Variants in DCAF8 observed in about 807,000 individuals in gnomAD.
DCAF8 encodes DDB1- and CUL4-associated factor 8.
In DCAF8, 20 loss-of-function variants were observed where a neutral mutation model predicts 68.0. The ratio of observed to expected loss-of-function variants is 0.29; its 90% CI spans 0.21 to 0.43. DCAF8 has a LOEUF of 0.43. DCAF8 is among the 20% of genes least tolerant of loss of function. The pLI is 1.00. For synonymous variants in DCAF8, 230 were observed against 276.9 expected (o/e 0.83, Z 1.68); for missense variants, 460 against 771.0 (o/e 0.60, Z 4.78).
At chr1:160,256,595 G>C (rs1010471782) in intron 2 of DCAF8, among the ~76,000 whole-genome samples, 1 of 151,988 alleles carries the variant, frequency 6.6e-6, no homozygotes, top group South Asian at 2.1e-4. Flanking sequence ...AAAATGGCAC[G>C]TGAGGCAAAT....
Position 160,218,988 on chromosome 1 carries a change from A to C in DCAF8, c.1441-20T>G. On this transcript the variant is annotated intron_variant, in intron 11 of 13. Coordinates refer to ENST00000368074, the MANE Select transcript of DCAF8 (RefSeq NM_015726.4). Reference sequence around the variant, plus strand: ...GTTTACCTGGTCAGGAAGAAAGGAAAACACAGACTCAGCAGTGTGTGGGAG... The same window carrying C: ...GTTTACCTGGTCAGGAAGAAAGGAACACACAGACTCAGCAGTGTGTGGGAG... The C allele has an allele frequency of 6.2e-7, 1 of 1,613,868 alleles. No homozygotes were observed. Among genetic ancestry groups the C allele is most frequent in the East Asian group, 2.2e-5 (1 of 44,882 alleles).
In DCAF8 at chr1:160,217,493, A is replaced by G; in HGVS notation, c.*99T>C. On this transcript the variant is annotated 3_prime_UTR_variant, in exon 14 of 14. Coordinates refer to ENST00000368074, the MANE Select transcript of DCAF8 (RefSeq NM_015726.4). ...TTCTTTTATCTAAAGCAAAAAGTCCAAAGTGCGTTTCTGCTGAATGTAGGG... is the reference window on the plus strand; with the variant it reads ...TTCTTTTATCTAAAGCAAAAAGTCCGAAGTGCGTTTCTGCTGAATGTAGGG... 2 of 848,942 alleles carry G rather than the reference A, an allele frequency of 2.4e-6. No individual in the cohort carries two copies. The highest frequency in any genetic ancestry group is 3.7e-6 in the Non-Finnish European group (2 of 541,854). The allele number at this position is 848,942 out of a possible 1,614,324, so 52.6% of individuals were successfully genotyped here.
intron 6 of DCAF8, among the ~76,000 whole-genome samples, chr1:160,236,417 T>C (rs1184258712): frequency 1.3e-5 from 2 of 151,592 alleles, no homozygotes; most frequent in Non-Finnish European, 2.9e-5. Context: ...TGTGTGTGTA[T>C]ATATGTGTGT....
At position 160,238,894 on chromosome 1, in the gene DCAF8, T is replaced by TA; in HGVS notation, c.724-148dup. ...GCTTTCCTACTCTTGTACAGCTGGC[T>TA]AAGCCCAATTTCTTCCAGGAGTTAA... On this transcript the variant is annotated intron_variant, in intron 4 of 13. Coordinates refer to ENST00000368074, the MANE Select transcript of DCAF8 (RefSeq NM_015726.4). The TA allele has an allele frequency of 3.2e-6, 3 of 941,686 alleles. No individual in the cohort carries two copies. The African/African-American group carries it at 5.1e-5, about 16-fold the overall frequency. 58.3% of individuals were successfully genotyped at this position (941,686 alleles called of 1,614,324 possible).
At chr1:160,236,994 T>TC in intron 6 of DCAF8, 141 bp downstream of exon 6, 1 of 528,174 alleles carries the variant, frequency 1.9e-6, no homozygotes, top group Admixed American at 3.8e-5. Flanking sequence ...AGTAAGGAAT[T>TC]CCCCTTAACC....
chr1:160,236,342 ATATG>A (rs1417037397), intron 6 of DCAF8, among the ~76,000 whole-genome samples: 23 of 152,048 alleles, frequency 1.5e-4, no homozygotes, highest in African/African-American at 5.1e-4. Flanking sequence ...ATATGTGTGT[ATATG>A]TGTGTACATA....
At position 160,262,240 on chromosome 1, in the gene DCAF8, G is replaced by T. The variant is rs904090783; in HGVS notation, c.-101+209C>A. 1.5e-5 allele frequency: 6 copies of T among 397,266 alleles called. No homozygotes were observed. In the South Asian group the frequency reaches 5.5e-4, roughly 37 times the overall value. 24.6% of individuals were successfully genotyped at this position (397,266 alleles called of 1,614,324 possible). ...TTAGGGGAAACCGGCTGGGAAGCGA[G>T]GGGGGGCGCAGGCCGAGCCGGAACG... On this transcript the variant is annotated intron_variant, in intron 1 of 13. Coordinates refer to ENST00000368074, the MANE Select transcript of DCAF8 (RefSeq NM_015726.4).
intron 2 of DCAF8, among the ~76,000 whole-genome samples, chr1:160,252,684 A>G (rs560170714): frequency 1.3e-5 from 2 of 152,342 alleles, no homozygotes; most frequent in East Asian, 3.8e-4. Context: ...AGTTGCCAAG[A>G]TAAGAAGTAA....
In DCAF8 at chr1:160,219,037, C is replaced by T; in HGVS notation, c.1441-69G>A. On this transcript the variant is annotated intron_variant, in intron 11 of 13. Transcript: ENST00000368074. ...AGTAGGGTTTAAAAACCACTACTCA[C>T]CTTGAGCCAAATAACTGCCCTTGAT... 2 of 1,585,736 alleles carry T rather than the reference C, an allele frequency of 1.3e-6. 1 individual carries two copies. Among genetic ancestry groups the T allele is most frequent in the South Asian group, 2.3e-5 (2 of 86,780 alleles).
intron 2 of DCAF8, among the ~76,000 whole-genome samples, chr1:160,256,951 C>T (rs762808171): frequency 9.2e-5 from 14 of 152,096 alleles, no homozygotes; most frequent in African/African-American, 2.2e-4. Flanking sequence ...ATTCATCACT[C>T]GCTAATTTTT....
rs541999551 is a variant in DCAF8, at chr1:160,253,329, T to C, written c.-27+7956A>G. ...CAACCTGGGCAACATCAGGAGACCC[T>C]GTCTCTAGAAAAAATTTAAAAATTA... On this transcript the variant is annotated intron_variant, in intron 2 of 13. Coordinates refer to ENST00000368074, the MANE Select transcript of DCAF8 (RefSeq NM_015726.4). Among the ~76,000 whole-genome samples, 10 of 152,124 alleles carry C rather than the reference T, an allele frequency of 6.6e-5. No homozygotes were observed. The East Asian group carries it at 1.9e-3, about 29-fold the overall frequency.
At chr1:160,238,821 T>A in intron 4 of DCAF8, 74 bp from the exon 5 acceptor site, 1 of 1,410,972 alleles carries the variant, frequency 7.1e-7, no homozygotes, top group Non-Finnish European at 9.5e-7. Context: ...AAAAATACGA[T>A]GATGACCTCA....
At chr1:160,239,616 A>C (rs768799333) in intron 4 of DCAF8, 81 bp downstream of exon 4, 4 of 1,613,562 alleles carry the variant, frequency 2.5e-6, no homozygotes, top group Non-Finnish European at 3.4e-6. Context: ...ACTCACTATC[A>C]GCTCCCAATC....
chr1:160,237,048 G>T, intron 6 of DCAF8, 87 bp downstream of exon 6: 1 of 918,112 alleles, frequency 1.1e-6, no homozygotes, highest in Non-Finnish European at 1.6e-6. Context: ...CTATTCGGAT[G>T]AACCAGAGTT....
intron 7 of DCAF8, among the ~76,000 whole-genome samples, chr1:160,226,145 G>A (rs1406260014): frequency 6.6e-6 from 1 of 152,124 alleles, no homozygotes; most frequent in Non-Finnish European, 1.5e-5. Context: ...CTCTCCTCAA[G>A]TTTTATATCA....
At chr1:160,260,138 A>G (rs1172085249) in intron 2 of DCAF8, among the ~76,000 whole-genome samples, 2 of 152,072 alleles carry the variant, frequency 1.3e-5, no homozygotes, top group African/African-American at 2.4e-5. Flanking sequence ...ACGTGTTCTT[A>G]GATTACTAAG....
intron 2 of DCAF8, among the ~76,000 whole-genome samples, chr1:160,245,475 T>C (rs562128492): frequency 2.0e-5 from 3 of 152,292 alleles, no homozygotes; most frequent in Non-Finnish European, 4.4e-5. Context: ...CTACCCTCTA[T>C]AGAAATCTAA....
chr1:160,223,882 T>C (rs1026432614), intron 10 of DCAF8, among the ~76,000 whole-genome samples: 8 of 152,118 alleles, frequency 5.3e-5, no homozygotes, highest in African/African-American at 1.2e-4. Context: ...AATTGCACCA[T>C]TGCACTCCAG....
chr1:160,249,013 A>T (rs748865268), intron 2 of DCAF8, among the ~76,000 whole-genome samples: 3 of 152,092 alleles, frequency 2.0e-5, no homozygotes, highest in Non-Finnish European at 4.4e-5. Context: ...CCAACGTGGT[A>T]AAACCCCATC....
Sources: allele counts gnomAD v4.1 joint callset (sites outside exome capture counted in the v4.1 genomes callset), GRCh38; gene constraint gnomAD v4.1.1; transcripts MANE v1.5; gene names NCBI Gene and HGNC (gene_info 2026-07-23, HGNC 2026-07-21).